The following ASB7 variants were observed in gnomAD, a reference collection of about 807,000 sequenced individuals.
ASB7 encodes the protein ankyrin repeat and SOCS box protein 7.
ASB7 carries 4 observed loss-of-function variants against 32.5 expected under a neutral mutation model. The observed-to-expected ratio is 0.12, with a 90% CI of 0.06 to 0.28. ASB7 has a LOEUF of 0.28. Ranked by LOEUF, ASB7 falls within the 10% of genes least tolerant of loss-of-function variation. The pLI, the probability that ASB7 is intolerant of heterozygous loss-of-function variation, is 1.00. For missense variants in ASB7, 181 were observed against 407.1 expected (o/e 0.44, Z 4.78); for synonymous variants, 172 against 155.6 (o/e 1.11, Z -0.78).
At position 100,645,848 on chromosome 15, in the gene ASB7, C is replaced by G. The variant is rs546313695; in HGVS notation, c.818-2475C>G. The G allele has an allele frequency of 2.1e-4, 220 of 1,053,570 alleles. 1 individual carries two copies. The African/African-American group carries it at 2.9e-3, about 14-fold the overall frequency. 65.3% of individuals were successfully genotyped at this position (1,053,570 alleles called of 1,614,324 possible). A position where few individuals can be genotyped will look rare whatever the true frequency, so the allele number is the denominator to read the frequency against. ...ACATCCCACACGCTAATTTCATGGTCCCAAGATACGCTGCAGATTTCTTCA... is the reference window on the plus strand; with the variant it reads ...ACATCCCACACGCTAATTTCATGGTGCCAAGATACGCTGCAGATTTCTTCA... On this transcript the variant is annotated intron_variant, in intron 5 of 5. Transcript: ENST00000332783.
chr15:100,606,954 A>G (rs2039650298), intron 2 of ASB7, among the ~76,000 whole-genome samples: 1 of 152,144 alleles, frequency 6.6e-6, no homozygotes. Context: ...AGAGATCGAG[A>G]TCATCCTGAC....
chr15:100,626,996 A>T (rs976743697), intron 4 of ASB7, among the ~76,000 whole-genome samples: 1 of 152,112 alleles, frequency 6.6e-6, no homozygotes, highest in Non-Finnish European at 1.5e-5. Context: ...CTATATTTTA[A>T]ATAGGGTGGT....
intron 4 of ASB7, among the ~76,000 whole-genome samples, chr15:100,626,131 T>C (rs2039834578): frequency 6.6e-6 from 1 of 152,056 alleles, no homozygotes; most frequent in Non-Finnish European, 1.5e-5. Context: ...AACTGTAAAA[T>C]AAATAATGGG....
At chr15:100,647,553 G>A (rs1422663710) in intron 5 of ASB7, among the ~76,000 whole-genome samples, 2 of 152,144 alleles carry the variant, frequency 1.3e-5, no homozygotes, top group Non-Finnish European at 2.9e-5. Flanking sequence ...TATTCCAAAG[G>A]GAAAGAAATA....
chr15:100,611,270 C>G (rs909849149), intron 3 of ASB7, among the ~76,000 whole-genome samples: 1 of 152,054 alleles, frequency 6.6e-6, no homozygotes, highest in Non-Finnish European at 1.5e-5. Context: ...CCAGGTTGGT[C>G]TTGAACTCCT....
intron 5 of ASB7, among the ~76,000 whole-genome samples, chr15:100,636,375 T>A (rs2039923515): frequency 6.6e-6 from 1 of 152,212 alleles, no homozygotes; most frequent in Non-Finnish European, 1.5e-5. Context: ...TAGTTTATCA[T>A]TTTTACTTAA....
At position 100,629,373 on chromosome 15, in the gene ASB7, C is replaced by A; in HGVS notation, c.212-64C>A. The A allele has an allele frequency of 7.1e-7, 1 of 1,411,194 alleles. No homozygotes were observed. The highest frequency in any genetic ancestry group is 1.3e-5 in the South Asian group (1 of 75,586). The allele number at this position is 1,411,194 out of a possible 1,614,324, so 87.4% of individuals were successfully genotyped here. ...GAGAATTGGCCACAGTTTGCTGTGC[C>A]ATGGTAATGTTTGTTGTTTTGTCTT... On this transcript the variant is annotated intron_variant, in intron 4 of 5. Transcript: ENST00000332783. This position sits in a 1 kb window ranked among gnomAD's most constrained non-coding sequence, Gnocchi z 6.8.
chr15:100,603,177 T>G, intron 1 of ASB7, 38 bp from the exon 2 acceptor site: 1 of 367,700 alleles, frequency 2.7e-6, no homozygotes. Flanking sequence ...TCCCCACCTC[T>G]GAGACACTAC....
chr15:100,622,580 A>G (rs940585791), intron 4 of ASB7, among the ~76,000 whole-genome samples: 9 of 152,234 alleles, frequency 5.9e-5, no homozygotes, highest in Admixed American at 5.9e-4. Flanking sequence ...TAGTAACCAA[A>G]ACAGCATGGT....
intron 5 of ASB7, among the ~76,000 whole-genome samples, chr15:100,648,091 G>A (rs7169399): frequency 1.6e-4 from 25 of 152,038 alleles, no homozygotes; most frequent in Non-Finnish European, 2.8e-4. Flanking sequence ...CTGATACTCA[G>A]TTTTCTTATT....
chr15:100,607,146 C>T (rs530469077), intron 2 of ASB7, among the ~76,000 whole-genome samples: 2 of 144,260 alleles, frequency 1.4e-5, no homozygotes, highest in Non-Finnish European at 3.1e-5. Context: ...AGCGAGCCTC[C>T]GTCTCAAAAA....
intron 3 of ASB7, among the ~76,000 whole-genome samples, chr15:100,610,642 CAT>C (rs1441776691): frequency 6.6e-6 from 1 of 152,150 alleles, no homozygotes; most frequent in African/African-American, 2.4e-5. Flanking sequence ...TATAAAACAA[CAT>C]AGGATATTTG....
intron 5 of ASB7, among the ~76,000 whole-genome samples, chr15:100,633,628 AGAAAGGAAG>A (rs551683464): frequency 5.1e-4 from 77 of 151,526 alleles, no homozygotes; most frequent in South Asian, 1.9e-3. Context: ...AAAGAAAGGA[AGAAAGGAAG>A]GAAAGGAAGA....
rs141158099 is a variant in ASB7 at position 100,650,638 on chromosome 15, A to C, written c.*2176A>C. ...TTTGAGTCAGGGAATTCCACGTAAA[A>C]AGATCAGATTAAGGTAAATTCTTTG... On this transcript the variant is annotated 3_prime_UTR_variant, in exon 6 of 6. Transcript: ENST00000332783. 3.7e-3 allele frequency: 565 copies of C among 152,322 alleles called. 2 individuals are homozygous for C. Among genetic ancestry groups the C allele is most frequent in the African/African-American group, 0.013 (522 of 41,582 alleles). The allele number at this position is 152,322 out of a possible 1,614,324, so 9.4% of individuals were successfully genotyped here.
Position 100,603,234 on chromosome 15 carries a change from G to A in ASB7, c.-253G>A. Reference sequence around the variant, plus strand: ...TTCTAGGTTTGAGCTGGCTGAAGAAGACGCGAAAGCAGGAAGAGGTCTGCC... The same window carrying A: ...TTCTAGGTTTGAGCTGGCTGAAGAAAACGCGAAAGCAGGAAGAGGTCTGCC... On this transcript the variant is annotated 5_prime_UTR_variant, in exon 2 of 6. Coordinates refer to ENST00000332783, the MANE Select transcript of ASB7 (RefSeq NM_198243.3). 2.7e-6 allele frequency: 1 copy of A among 375,908 alleles called. No individual in the cohort carries two copies. 23.3% of individuals were successfully genotyped at this position (375,908 alleles called of 1,614,324 possible).
chr15:100,609,890 T>C (rs1199306125), intron 3 of ASB7, 62 bp downstream of exon 3: 1 of 152,222 alleles, frequency 6.6e-6, no homozygotes, highest in African/African-American at 2.4e-5. Flanking sequence ...ACTTAACTTT[T>C]ACTTCTCTCT....
At chr15:100,609,503 A>T (rs2039676299) in intron 2 of ASB7, 1 of 152,168 alleles carries the variant, frequency 6.6e-6, no homozygotes, top group East Asian at 1.9e-4. Context: ...TGGGGGGAAA[A>T]GCCTGAAACT....
rs746974846 is a variant in ASB7, at chr15:100,629,741, C to T, written c.516C>T (p.His172=). ...RSSCVKILLD[H]NANIDIQNGF... is the part of the protein sequence containing the mutation. ...GCTGTGTGAAAATCCTCCTGGACCA[C>T]AATGCCAACATCGACATTCAGAATG... The change falls in exon 5 of 6, where the codon CAC becomes CAT. Residue 172 remains histidine, a synonymous_variant. Transcript: ENST00000332783. The surrounding 1 kb of genome is among the most constrained non-coding windows in gnomAD (Gnocchi z 6.8). The T allele has an allele frequency of 1.2e-6, 2 of 1,614,214 alleles. No individual in the cohort carries two copies. The highest frequency in any genetic ancestry group is 2.2e-5 in the East Asian group (1 of 44,888).
chr15:100,648,182 A>T (rs2040009066), intron 5 of ASB7, 141 bp from the exon 6 acceptor site: 1 of 848,996 alleles, frequency 1.2e-6, no homozygotes. Context: ...GTCCTAGGAC[A>T]CTTTGAGTTG....
Sources: allele counts gnomAD v4.1 joint callset (sites outside exome capture counted in the v4.1 genomes callset), GRCh38; gene constraint gnomAD v4.1.1; non-coding constraint Gnocchi (gnomAD v3.1); transcripts MANE v1.5; gene names NCBI Gene and HGNC (gene_info 2026-07-23, HGNC 2026-07-21).